Variants in ARHGEF38 observed in about 807,000 individuals in gnomAD.
ARHGEF38 encodes the protein Rho guanine nucleotide exchange factor 38, also known as Rho guanine nucleotide exchange factor (GEF) 38.
In ARHGEF38, 79 loss-of-function variants were observed where a neutral mutation model predicts 79.9. The observed-to-expected ratio is 0.99, with a 90% CI of 0.82 to 1.19. The LOEUF is 1.19. ARHGEF38 is among the 50% of genes most tolerant of loss of function. ARHGEF38 has a pLI of 0.00. For missense variants in ARHGEF38, 962 were observed against 907.2 expected, an observed-to-expected ratio of 1.06 and a Z score of -0.78; for synonymous variants, 366 against 328.3, an observed-to-expected ratio of 1.11 and a Z score of -1.24.
chr4:105,677,587 T>C lies in ARHGEF38; in HGVS notation c.2149-165T>C, dbSNP rs186315261. ...ATACCTATTTCACTCCATTCTCACCTGGGTTATATTTTAGCAAAATACATC... is the reference window on the plus strand; with the variant it reads ...ATACCTATTTCACTCCATTCTCACCCGGGTTATATTTTAGCAAAATACATC... On this transcript the variant is annotated intron_variant, in intron 13 of 13. Transcript: ENST00000420470. Among the ~76,000 whole-genome samples the C allele has an allele frequency of 4.5e-4, 69 of 152,332 alleles. No individual in the cohort carries two copies. The East Asian group carries it at 0.013, about 29-fold the overall frequency.
At chr4:105,677,214 C>T (rs1329484621) in intron 13 of ARHGEF38, among the ~76,000 whole-genome samples, 1 of 152,134 alleles carries the variant, frequency 6.6e-6, no homozygotes, top group Non-Finnish European at 1.5e-5. Flanking sequence ...CCACCCACCT[C>T]GGCCTCCCAA....
At chr4:105,662,336 T>C (rs1226080717) in intron 10 of ARHGEF38, among the ~76,000 whole-genome samples, 2 of 152,160 alleles carry the variant, frequency 1.3e-5, no homozygotes, top group Non-Finnish European at 2.9e-5. Context: ...TTGAGACTAC[T>C]TTTTCCAAGT....
At chr4:105,631,310 T>C in intron 4 of ARHGEF38, 2 of 1,091,566 alleles carry the variant, frequency 1.8e-6, no homozygotes, top group South Asian at 3.8e-5. Flanking sequence ...AAATATAAAA[T>C]GTGGAAGAAA....
chr4:105,637,615 C>T (rs989653995), intron 5 of ARHGEF38, among the ~76,000 whole-genome samples: 2 of 152,078 alleles, frequency 1.3e-5, no homozygotes, highest in African/African-American at 4.8e-5. Flanking sequence ...GGCATTGTGC[C>T]AAGGACTGGA....
chr4:105,679,188 C>T lies in ARHGEF38; in HGVS notation c.*1251C>T. ...ACCAATTGCCAGATCGACAACCTGA[C>T]TGGCCTGACCAGCCACTCCTCTGTC... On this transcript the variant is annotated 3_prime_UTR_variant, in exon 14 of 14. Transcript: ENST00000420470. The T allele has an allele frequency of 1.6e-6, 1 of 616,772 alleles. No individual in the cohort carries two copies. The highest frequency in any genetic ancestry group is 2.7e-5 in the Admixed American group (1 of 37,720). 38.2% of individuals were successfully genotyped at this position (616,772 alleles called of 1,614,324 possible).
At chr4:105,659,772 T>C (rs1406549205) in intron 10 of ARHGEF38, among the ~76,000 whole-genome samples, 2 of 152,004 alleles carry the variant, frequency 1.3e-5, no homozygotes, top group Non-Finnish European at 2.9e-5. Flanking sequence ...CATCTCAGCA[T>C]AATGAAAGAT....
chr4:105,641,966 T>C (rs574408669), intron 5 of ARHGEF38, among the ~76,000 whole-genome samples: 22 of 152,198 alleles, frequency 1.4e-4, no homozygotes, highest in South Asian at 1.0e-3. Flanking sequence ...GAAGATGAAA[T>C]AGAATTACAA....
intron 13 of ARHGEF38, among the ~76,000 whole-genome samples, chr4:105,671,108 T>G (rs1730943970): frequency 6.6e-6 from 1 of 152,236 alleles, no homozygotes; most frequent in African/African-American, 2.4e-5. Context: ...TCTTCATAAA[T>G]TGTTATTTGC....
chr4:105,666,637 C>T (rs1019676140), intron 11 of ARHGEF38, among the ~76,000 whole-genome samples: 2 of 152,068 alleles, frequency 1.3e-5, no homozygotes, highest in African/African-American at 2.4e-5. Context: ...CAGACATTTC[C>T]TTTTCTACAT....
chr4:105,576,097 T>C (rs1048891694), intron 1 of ARHGEF38, among the ~76,000 whole-genome samples: 1 of 152,174 alleles, frequency 6.6e-6, no homozygotes, highest in African/African-American at 2.4e-5. Flanking sequence ...TCCAGATTTG[T>C]TCTTTTTGTT....
chr4:105,583,941 T>C (rs1255139813), intron 1 of ARHGEF38, among the ~76,000 whole-genome samples: 2 of 152,206 alleles, frequency 1.3e-5, no homozygotes, highest in African/African-American at 4.8e-5. Flanking sequence ...TATTTTTACT[T>C]AGTGTGTTTC....
intron 9 of ARHGEF38, among the ~76,000 whole-genome samples, chr4:105,656,983 G>A (rs577133448): frequency 1.3e-5 from 2 of 152,224 alleles, no homozygotes; most frequent in Admixed American, 1.3e-4. Flanking sequence ...TGGATGGATG[G>A]ATAGGTACAG....
At chr4:105,668,909 G>T (rs1730863344) in intron 13 of ARHGEF38, among the ~76,000 whole-genome samples, 1 of 152,208 alleles carries the variant, frequency 6.6e-6, no homozygotes, top group South Asian at 2.1e-4. Flanking sequence ...AGCCAAGAGT[G>T]GTTGCCCACA....
chr4:105,607,418 A>G (rs1368295739), intron 2 of ARHGEF38, among the ~76,000 whole-genome samples: 2 of 152,106 alleles, frequency 1.3e-5, no homozygotes, highest in African/African-American at 4.8e-5. Flanking sequence ...GATCATGTGC[A>G]TTGTACAGAT....
intron 1 of ARHGEF38, among the ~76,000 whole-genome samples, chr4:105,582,854 C>A (rs1726862654): frequency 6.6e-6 from 1 of 152,188 alleles, no homozygotes; most frequent in Non-Finnish European, 1.5e-5. Flanking sequence ...TTAGAATTTT[C>A]ATATCTTCCT....
At chr4:105,657,942 A>C (rs962150047) in intron 9 of ARHGEF38, among the ~76,000 whole-genome samples, 1 of 152,216 alleles carries the variant, frequency 6.6e-6, no homozygotes, top group Non-Finnish European at 1.5e-5. Context: ...CCAAATTATC[A>C]TAAAATATCA....
intron 1 of ARHGEF38, among the ~76,000 whole-genome samples, chr4:105,578,181 C>T (rs1326457679): frequency 6.6e-6 from 1 of 152,138 alleles, no homozygotes; most frequent in African/African-American, 2.4e-5. Context: ...CATCAGTAAC[C>T]TCAAAATCAT....
intron 10 of ARHGEF38, among the ~76,000 whole-genome samples, chr4:105,664,737 AG>A (rs1172705531): frequency 1.3e-5 from 2 of 152,162 alleles, no homozygotes; most frequent in Non-Finnish European, 2.9e-5. Flanking sequence ...GGGCAGGCAT[AG>A]GGGTTTGGGG....
At chr4:105,585,380 C>T (rs975266480) in intron 1 of ARHGEF38, among the ~76,000 whole-genome samples, 1 of 152,156 alleles carries the variant, frequency 6.6e-6, no homozygotes, top group Admixed American at 6.5e-5. Context: ...CAGAGCTGAT[C>T]TCAAGTCAGA....
Sources: allele counts gnomAD v4.1 joint callset (sites outside exome capture counted in the v4.1 genomes callset), GRCh38; gene constraint gnomAD v4.1.1; transcripts MANE v1.5; gene names NCBI Gene and HGNC (gene_info 2026-07-23, HGNC 2026-07-21).